Variants in CELA3A observed in about 807,000 individuals in gnomAD.
CELA3A encodes chymotrypsin like elastase 3A.
CELA3A carries 35 observed loss-of-function variants against 38.6 expected under a neutral mutation model. The observed-to-expected ratio is 0.91, with a 90% confidence interval of 0.69 to 1.20. CELA3A has a LOEUF of 1.20. Ranked by LOEUF, CELA3A falls within the 50% of genes most tolerant of loss-of-function variation. CELA3A has a pLI of 0.00. For synonymous variants in CELA3A, 143 were observed against 136.7 expected (o/e 1.05, Z -0.32); for missense variants, 343 against 354.2 (o/e 0.97, Z 0.25).
chr1:22,005,827 G>A (rs1484887886), intron 4 of CELA3A, 31 bp downstream of exon 4: 1 of 1,609,672 alleles, frequency 6.2e-7, no homozygotes, highest in East Asian at 2.2e-5. Flanking sequence ...GGAACCCAGG[G>A]GCTCCTCTAC....
Position 22,009,873 on chromosome 1 carries a change from C to T in CELA3A, c.795+16C>T, listed in dbSNP as rs749668441. 16 of 1,608,924 alleles carry T rather than the reference C, an allele frequency of 9.9e-6. No individual in the cohort carries two copies. The highest frequency in any genetic ancestry group is 6.8e-5 in the Admixed American group (4 of 58,718). Reference sequence around the variant, plus strand: ...GATTGAGGAGGTGAGGAGGGCAGGGCGGCCCGGAGGGCTTTAGGGTGGTGG... The same window carrying T: ...GATTGAGGAGGTGAGGAGGGCAGGGTGGCCCGGAGGGCTTTAGGGTGGTGG... On this transcript the variant is annotated intron_variant, in intron 7 of 7. Transcript: ENST00000290122.
chr1:22,003,992 C>G (rs1204711468), intron 2 of CELA3A, among the ~76,000 whole-genome samples: 1 of 150,980 alleles, frequency 6.6e-6, no homozygotes, highest in Non-Finnish European at 1.5e-5. Context: ...GTGTGAGTCA[C>G]TGCACCCAGC....
intron 6 of CELA3A, among the ~76,000 whole-genome samples, chr1:22,008,286 G>A (rs1331517666): frequency 2.0e-5 from 3 of 149,028 alleles, no homozygotes; most frequent in African/African-American, 5.0e-5. Flanking sequence ...AAGCAGCCAG[G>A]AGTACAAGTG....
At chr1:22,004,169 C>G (rs1644935347) in intron 2 of CELA3A, among the ~76,000 whole-genome samples, 1 of 146,810 alleles carries the variant, frequency 6.8e-6, no homozygotes, top group African/African-American at 2.6e-5. Context: ...CCTCCTAGGT[C>G]CAAGCAATAA....
At chr1:22,007,120 C>T in intron 5 of CELA3A, 106 bp downstream of exon 5, 1 of 1,488,892 alleles carries the variant, frequency 6.7e-7, no homozygotes, top group Non-Finnish European at 9.1e-7. Context: ...TACTTTTCTC[C>T]CATTTCTCTC....
chr1:22,010,549 G>C (rs1396245645), intron 7 of CELA3A: 2 of 194,408 alleles, frequency 1.0e-5, no homozygotes, highest in African/African-American at 2.5e-5. Context: ...CTGGGAGGTG[G>C]AGGTTGCAGT....
At position 22,001,963 on chromosome 1, in the gene CELA3A, A is replaced by T. The variant is rs151219108; in HGVS notation, c.43+246A>T. ...TGGAAGTCCTTGATGGGGGCAGTAAACAAAGTCAAACGGTTAAGAGTTTGG... is the reference window on the plus strand; with the variant it reads ...TGGAAGTCCTTGATGGGGGCAGTAATCAAAGTCAAACGGTTAAGAGTTTGG... On this transcript the variant is annotated intron_variant, in intron 1 of 7. Coordinates refer to ENST00000290122, the MANE Select transcript of CELA3A (RefSeq NM_005747.5). Among the ~76,000 whole-genome samples, 1,091 of 151,134 alleles carry T rather than the reference A, an allele frequency of 7.2e-3. 59 individuals carry two copies. The highest frequency in any genetic ancestry group is 0.026 in the African/African-American group (1,053 of 40,798).
chr1:22,002,437 A>G (rs1644923644), intron 1 of CELA3A: 2 of 432,398 alleles, frequency 4.6e-6, no homozygotes, highest in East Asian at 7.2e-5. Flanking sequence ...GCCTCAAGCA[A>G]TCCTACCACC....
Position 22,007,416 on chromosome 1 carries a change from C to T in CELA3A, c.543C>T (p.Pro181=), listed in dbSNP as rs144610859. ...LPDKLQQARL[P]VVDYKHCSRW... is the part of the protein sequence containing the mutation. ...ACAAGCTGCAGCAGGCCCGGCTGCC[C>T]GTGGTGGACTATAAGCACTGCTCCA... is the stretch of plus-strand genomic sequence containing the variant. Residue 181 remains proline (P), a synonymous_variant, in exon 6 of 8, where the codon CCC becomes CCT. Transcript: ENST00000290122. 9.3e-6 allele frequency: 15 copies of T among 1,612,372 alleles called. No homozygotes were observed. Among genetic ancestry groups the T allele is most frequent in the African/African-American group, 1.3e-5 (1 of 74,374 alleles).
At position 22,005,578 on chromosome 1, in the gene CELA3A, T is replaced by G. The variant is rs58605013; in HGVS notation, c.227+34T>G. ...TCTACCCTGTCCCTGCCTGTGGCCC[T>G]GGGCAGCGGGGGAGAGTGGGTGATG... is the stretch of plus-strand genomic sequence containing the variant. On this transcript the variant is annotated intron_variant, in intron 3 of 7. Transcript: ENST00000290122. 656 of 1,567,636 alleles carry G rather than the reference T, an allele frequency of 4.2e-4. 22 individuals are homozygous for G. The highest frequency in any genetic ancestry group is 4.9e-4 in the Non-Finnish European group (569 of 1,153,846).
At chr1:22,005,218 G>A (rs577425756) in intron 2 of CELA3A, among the ~76,000 whole-genome samples, 2 of 151,876 alleles carry the variant, frequency 1.3e-5, no homozygotes, top group South Asian at 4.1e-4. Flanking sequence ...TAGTGCTGGT[G>A]TGGGGAGGCT....
rs1475970277 is a variant in CELA3A, at chr1:22,012,326, C to T, written c.796-124C>T. 38 of 1,319,702 alleles carry T rather than the reference C, an allele frequency of 2.9e-5. 4 individuals are homozygous for T. Among genetic ancestry groups the T allele is most frequent in the Admixed American group, 1.0e-4 (4 of 39,786 alleles). The allele number at this position is 1,319,702 out of a possible 1,614,324, so 81.7% of individuals were successfully genotyped here. Reference sequence around the variant, plus strand: ...TACTACATAGAGGAGGAAACTGAGGCTCAGAGAGGTCAATCCCTCTCCCAG... The same window carrying T: ...TACTACATAGAGGAGGAAACTGAGGTTCAGAGAGGTCAATCCCTCTCCCAG... On this transcript the variant is annotated intron_variant, in intron 7 of 7. Coordinates refer to ENST00000290122, the MANE Select transcript of CELA3A (RefSeq NM_005747.5).
intron 1 of CELA3A, 47 bp downstream of exon 1, chr1:22,001,764 G>T: frequency 6.2e-7 from 1 of 1,606,986 alleles, no homozygotes; most frequent in Non-Finnish European, 8.5e-7. Flanking sequence ...CCCTGGACTA[G>T]GAATCCTTGA....
At position 22,007,150 on chromosome 1, in the gene CELA3A, T is replaced by C. The variant is rs1014272721; in HGVS notation, c.499+136T>C. On this transcript the variant is annotated intron_variant, in intron 5 of 7. Transcript: ENST00000290122. ...TCTCTCCAGCTGCAGCCTTCTTCCATCAACCTCCAAAACACGAATGTGGTC... is the reference window on the plus strand; with the variant it reads ...TCTCTCCAGCTGCAGCCTTCTTCCACCAACCTCCAAAACACGAATGTGGTC... 1.0e-4 allele frequency: 146 copies of C among 1,431,300 alleles called. 3 individuals carry two copies. The highest frequency in any genetic ancestry group is 7.2e-4 in the South Asian group (52 of 72,336). The allele number at this position is 1,431,300 out of a possible 1,614,324, so 88.7% of individuals were successfully genotyped here.
In CELA3A at chr1:22,005,690, G is replaced by C; in HGVS notation, c.256G>C (p.Gly86Arg). 1 of 1,612,418 alleles carries C rather than the reference G, an allele frequency of 6.2e-7. No individual in the cohort carries two copies. Among genetic ancestry groups the C allele is most frequent in the Non-Finnish European group, 8.5e-7 (1 of 1,179,436 alleles). Residue 86 changes from glycine (G) to arginine (R), a missense_variant, in exon 4 of 8, where the codon GGT (glycine) becomes CGT (arginine). By Grantham distance (125) the Gly-to-Arg change is moderately radical. Coordinates refer to ENST00000290122, the MANE Select transcript of CELA3A (RefSeq NM_005747.5). ...SRDLTYQVVLGEYNLAVKEGP... is the reference protein window; with the variant it reads ...SRDLTYQVVLREYNLAVKEGP... Reference sequence around the variant, plus strand: ...GGATCTGACCTACCAGGTGGTGTTGGGTGAGTACAACCTTGCTGTGAAGGA... The same window carrying C: ...GGATCTGACCTACCAGGTGGTGTTGCGTGAGTACAACCTTGCTGTGAAGGA...
At position 22,006,940 on chromosome 1, in the gene CELA3A, C is replaced by A; in HGVS notation, c.425C>A (p.Ala142Asp). The stretch of plus-strand genomic sequence containing the variant: ...CAGCTGGGAGATGCCGTCCAGCTCG[C>A]CTCACTCCCTCCCGCTGGTGACATC... ...SAQLGDAVQL[A>D]SLPPAGDILP... The change falls in exon 5 of 8, where the codon GCC (alanine) becomes GAC (aspartate). Residue 142 changes from alanine (A) to aspartate (D), a missense_variant. Ala to Asp is a moderately radical substitution (Grantham distance 126). Transcript: ENST00000290122. The A allele has an allele frequency of 6.2e-7, 1 of 1,612,464 alleles. No homozygotes were observed. The highest frequency in any genetic ancestry group is 8.5e-7 in the Non-Finnish European group (1 of 1,179,464).
intron 5 of CELA3A, 93 bp from the exon 6 acceptor site, chr1:22,007,280 G>A: frequency 1.3e-6 from 2 of 1,500,452 alleles, no homozygotes; most frequent in Admixed American, 2.1e-5. Flanking sequence ...CCTCATCAGG[G>A]CAGAAGAACT....
chr1:22,007,350 C>G (rs1644957260), intron 5 of CELA3A, 23 bp from the exon 6 acceptor site: 3 of 1,599,110 alleles, frequency 1.9e-6, no homozygotes, highest in Non-Finnish European at 2.6e-6. Flanking sequence ...AGACCCCTGA[C>G]TCGGTGCTTT....
At position 22,007,010 on chromosome 1, in the gene CELA3A, C is replaced by G; in HGVS notation, c.495C>G (p.Leu165=). 6.2e-7 allele frequency: 1 copy of G among 1,612,344 alleles called. No individual in the cohort carries two copies. Among genetic ancestry groups the G allele is most frequent in the Admixed American group, 1.7e-5 (1 of 59,936 alleles). ...TPCYITGWGR[L]YTNGPLPDKL... is the part of the protein sequence containing the mutation. ...GCTACATCACCGGCTGGGGCCGTCT[C>G]TATAGTACGTGCTGACTTCTCTAGC... The change falls in exon 5 of 8, where the codon CTC becomes CTG. Residue 165 remains leucine (L), a synonymous_variant. Coordinates refer to ENST00000290122, the MANE Select transcript of CELA3A (RefSeq NM_005747.5).
Sources: gnomAD v4.1 joint callset for allele counts (sites outside exome capture counted in the v4.1 genomes callset) on GRCh38, gnomAD v4.1.1 for gene constraint, MANE v1.5 for transcripts, NCBI Gene and HGNC (gene_info 2026-07-23, HGNC 2026-07-21) for gene names.